The following TLN2 variants were observed in gnomAD, a reference collection of about 807,000 sequenced individuals.
TLN2 encodes the protein talin 2.
In TLN2, 118 loss-of-function variants were observed where a neutral mutation model predicts 294.7. The ratio of observed to expected loss-of-function variants is 0.40; its 90% confidence interval spans 0.34 to 0.47. The LOEUF is 0.47. Ranked by LOEUF, TLN2 falls within the 20% of genes least tolerant of loss-of-function variation. The pLI is 0.84. For missense variants in TLN2, 3,083 were observed against 3,282.2 expected, an observed-to-expected ratio of 0.94 and a Z score of 1.48; for synonymous variants, 1,431 against 1,304.5, an observed-to-expected ratio of 1.10 and a Z score of -2.09.
At chr15:62,453,377 A>G (rs899329708) in intron 1 of TLN2, among the ~76,000 whole-genome samples, 2 of 151,870 alleles carry the variant, frequency 1.3e-5, no homozygotes, top group African/African-American at 4.8e-5. Flanking sequence ...CTGGCTAATG[A>G]GAATATGATC....
chr15:62,708,776 T>G lies in TLN2; in HGVS notation c.2447T>G (p.Phe816Cys). 1 of 1,604,718 alleles carries G rather than the reference T, an allele frequency of 6.2e-7. No individual in the cohort carries two copies. The highest frequency in any genetic ancestry group is 8.5e-7 in the Non-Finnish European group (1 of 1,179,650). ...DTIMCVTESIFSSMGDAGEMV... is the reference protein window; with the variant it reads ...DTIMCVTESICSSMGDAGEMV... ...ATCATGTGTGTCACCGAGAGCATCTTCAGCTCCATGGGTGACGCTGGTAAG... is the reference window on the plus strand; with the variant it reads ...ATCATGTGTGTCACCGAGAGCATCTGCAGCTCCATGGGTGACGCTGGTAAG... The change falls in exon 21 of 59, where the codon TTC becomes TGC. Residue 816 changes from phenylalanine to cysteine, a missense_variant. Physicochemically the swap from Phe to Cys is radical, Grantham distance 205 (BLOSUM62 -2). Transcript: ENST00000636159.
chr15:62,697,531 A>G (rs1567383527), intron 14 of TLN2, among the ~76,000 whole-genome samples, 157 bp from the exon 15 acceptor site: 3 of 152,218 alleles, frequency 2.0e-5, no homozygotes, highest in African/African-American at 7.2e-5. Context: ...AAGTGTTGTA[A>G]TGCCACTTCT....
At chr15:62,491,236 C>T (rs2038688604) in intron 1 of TLN2, among the ~76,000 whole-genome samples, 1 of 151,690 alleles carries the variant, frequency 6.6e-6, no homozygotes. Flanking sequence ...GCAGGAGAAT[C>T]ATGTTGCTTG....
intron 1 of TLN2, among the ~76,000 whole-genome samples, chr15:62,424,912 C>T (rs2456935): frequency 0.13 from 18,331 of 143,414 alleles, 1,725 homozygotes; most frequent in East Asian, 0.46. Context: ...CTTGGCCTCC[C>T]GCAGTGTTGG....
intron 16 of TLN2, among the ~76,000 whole-genome samples, chr15:62,700,032 G>A (rs1393369808): frequency 6.6e-6 from 1 of 152,164 alleles, no homozygotes; most frequent in Non-Finnish European, 1.5e-5. Flanking sequence ...AGAATGCTGA[G>A]TTTTTCATTT....
chr15:62,820,060 C>G (rs1003023320), intron 53 of TLN2, among the ~76,000 whole-genome samples: 9 of 152,154 alleles, frequency 5.9e-5, no homozygotes, highest in African/African-American at 2.2e-4. Context: ...CACCAATTTC[C>G]TTTACTTTGA....
At position 62,768,406 on chromosome 15, in the gene TLN2, G is replaced by A. The variant is rs1595926448; in HGVS notation, c.5196+1984G>A. 2.0e-5 allele frequency among the ~76,000 whole-genome samples: 3 copies of A among 152,124 alleles called. No individual in the cohort carries two copies. The South Asian group carries it at 6.2e-4, about 32-fold the overall frequency. ...GTAATCACATTGTCACCTGCTCTTCGGTGTCTCTTCTGTCTCTTAGATGGA... is the reference window on the plus strand; with the variant it reads ...GTAATCACATTGTCACCTGCTCTTCAGTGTCTCTTCTGTCTCTTAGATGGA... On this transcript the variant is annotated intron_variant, in intron 41 of 58. Transcript: ENST00000636159.
At chr15:62,407,746 A>G (rs189116051) in intron 1 of TLN2, among the ~76,000 whole-genome samples, 3 of 152,046 alleles carry the variant, frequency 2.0e-5, no homozygotes, top group Admixed American at 1.3e-4. Flanking sequence ...GAGAAACCCC[A>G]TCTCTACTAA....
intron 12 of TLN2, among the ~76,000 whole-genome samples, chr15:62,691,345 T>C (rs931262706): frequency 2.0e-5 from 3 of 152,198 alleles, no homozygotes; most frequent in African/African-American, 7.2e-5. Flanking sequence ...GTTTACTGAT[T>C]TTATTTTTTA....
At chr15:62,469,787 G>A (rs2037362222) in intron 1 of TLN2, among the ~76,000 whole-genome samples, 1 of 152,184 alleles carries the variant, frequency 6.6e-6, no homozygotes, top group African/African-American at 2.4e-5. Context: ...TCTAGCTAAA[G>A]TCTGGTAGTT....
chr15:62,435,890 A>G (rs887712117), intron 1 of TLN2, among the ~76,000 whole-genome samples: 2 of 152,174 alleles, frequency 1.3e-5, no homozygotes, highest in South Asian at 4.1e-4. Flanking sequence ...TGCTGTGAAT[A>G]CTTTCCCTCA....
chr15:62,838,984 T>C lies in TLN2; in HGVS notation c.7500+3T>C, dbSNP rs764014932. 24 of 1,613,878 alleles carry C rather than the reference T, an allele frequency of 1.5e-5. No homozygotes were observed. The highest frequency in any genetic ancestry group is 4.5e-5 in the East Asian group (2 of 44,894). On this transcript the variant is annotated splice_donor_region_variant and intron_variant, in intron 58 of 58. Transcript: ENST00000636159. ...AGTTTGTGGGGGGCATTGCTCAGGTTTGTAATTAAATCAAGAATAGTATTT... is the reference window on the plus strand; with the variant it reads ...AGTTTGTGGGGGGCATTGCTCAGGTCTGTAATTAAATCAAGAATAGTATTT...
At chr15:62,792,895 A>ACTCAGCTGT (rs2065175169) in intron 46 of TLN2, 108 bp downstream of exon 46, 1 of 1,508,946 alleles carries the variant, frequency 6.6e-7, no homozygotes, top group Non-Finnish European at 8.9e-7. Flanking sequence ...AACCCAGCTG[A>ACTCAGCTGT]CTCAGCTGTC....
intron 32 of TLN2, among the ~76,000 whole-genome samples, chr15:62,743,758 T>TCACTGCTCAC (rs1242135829): frequency 6.6e-6 from 1 of 152,102 alleles, no homozygotes; most frequent in Admixed American, 6.5e-5. Context: ...CTTCCCTGAA[T>TCACTGCTCAC]CACTGCTCAC....
chr15:62,688,374 G>A (rs1254494452), intron 12 of TLN2, among the ~76,000 whole-genome samples: 2 of 152,046 alleles, frequency 1.3e-5, no homozygotes, highest in Admixed American at 6.6e-5. Flanking sequence ...AACATACTCT[G>A]TATGATTTCA....
chr15:62,775,058 G>A (rs574489813), intron 42 of TLN2, among the ~76,000 whole-genome samples: 5 of 144,896 alleles, frequency 3.5e-5, no homozygotes, highest in East Asian at 2.2e-4. Context: ...CCGGGTTCAC[G>A]CCATTCTCCT....
Position 62,510,544 on chromosome 15 carries a change from A to G in TLN2, c.-237-79143A>G, listed in dbSNP as rs147438600. Among the ~76,000 whole-genome samples the G allele has an allele frequency of 5.0e-3, 766 of 152,350 alleles. 8 individuals are homozygous for G. Among genetic ancestry groups the G allele is most frequent in the African/African-American group, 0.017 (692 of 41,588 alleles). The stretch of plus-strand genomic sequence containing the variant: ...AAACATACTACTTTGAGCTGGGCCT[A>G]TGGCTTAGCATGTCATTTAATGTGT... On this transcript the variant is annotated intron_variant, in intron 1 of 58. Transcript: ENST00000636159.
At chr15:62,819,865 C>T (rs2067419096) in intron 53 of TLN2, among the ~76,000 whole-genome samples, 1 of 152,246 alleles carries the variant, frequency 6.6e-6, no homozygotes. Context: ...GTATCCTCCA[C>T]CTAGAACCTA....
At chr15:62,725,324 C>T (rs931541726) in intron 27 of TLN2, among the ~76,000 whole-genome samples, 2 of 152,122 alleles carry the variant, frequency 1.3e-5, no homozygotes, top group African/African-American at 4.8e-5. Context: ...GCTGTGCACG[C>T]GTCCCATATC....
Sources: allele counts gnomAD v4.1 joint callset (sites outside exome capture counted in the v4.1 genomes callset), GRCh38; gene constraint gnomAD v4.1.1; transcripts MANE v1.5; gene names NCBI Gene and HGNC (gene_info 2026-07-23, HGNC 2026-07-21).